The following PTPRG variants were observed in gnomAD, a reference collection of about 807,000 sequenced individuals.
PTPRG encodes the protein receptor-type tyrosine-protein phosphatase gamma.
In PTPRG, 102 loss-of-function variants were observed where a neutral mutation model predicts 165.3. That is an observed-to-expected ratio of 0.62 (90% CI 0.53 to 0.73). The LOEUF is 0.73. Among genes scored for constraint, PTPRG ranks in the 30% least tolerant of loss-of-function variants. The probability of loss-of-function intolerance (pLI) is 0.00; values close to 1 mark genes in which losing one functional copy is unlikely to be tolerated. For missense variants in PTPRG, 1,866 were observed against 1,861.4 expected, an observed-to-expected ratio of 1.00 and a Z score of -0.05; for synonymous variants, 675 against 669.5, an observed-to-expected ratio of 1.01 and a Z score of -0.13.
At chr3:62,116,141 C>G (rs1483315712) in intron 5 of PTPRG, among the ~76,000 whole-genome samples, 2 of 152,062 alleles carry the variant, frequency 1.3e-5, no homozygotes. Flanking sequence ...TAACCAGAGC[C>G]CAGAACCCAA....
chr3:61,624,340 A>T (rs911989069), intron 1 of PTPRG, among the ~76,000 whole-genome samples: 17 of 152,242 alleles, frequency 1.1e-4, no homozygotes, highest in Non-Finnish European at 2.4e-4. Flanking sequence ...AAAAAACTAC[A>T]TTTCCCAACT....
rs1214446791 is a variant in PTPRG, at chr3:62,219,086, G to C, written c.2288+103G>C. The stretch of plus-strand genomic sequence containing the variant: ...CGGCCTCTGCATTCAGGAAGGTGAG[G>C]TAGCTTAAGTGTTTCTGGTCTTGCC... On this transcript the variant is annotated intron_variant, in intron 13 of 29. Coordinates refer to ENST00000474889, the MANE Select transcript of PTPRG (RefSeq NM_002841.4). The surrounding 1 kb of genome is among the most constrained non-coding windows in gnomAD (Gnocchi z 4.5). 1 of 1,465,072 alleles carries C rather than the reference G, an allele frequency of 6.8e-7. No individual in the cohort carries two copies. The highest frequency in any genetic ancestry group is 2.3e-5 in the East Asian group (1 of 43,072). The allele number at this position is 1,465,072 out of a possible 1,614,324, so 90.8% of individuals were successfully genotyped here. A position where few individuals can be genotyped will look rare whatever the true frequency, so the allele number is the denominator to read the frequency against.
At chr3:61,676,456 C>CAAAACAA (rs1703224650) in intron 1 of PTPRG, among the ~76,000 whole-genome samples, 1 of 21,868 alleles carries the variant, frequency 4.6e-5, no homozygotes, top group Non-Finnish European at 8.9e-5. Context: ...GACTCCATCT[C>CAAAACAA]AAAAAAAAAA....
intron 3 of PTPRG, among the ~76,000 whole-genome samples, chr3:61,999,289 C>T (rs1248619144): frequency 1.4e-4 from 22 of 152,146 alleles, no homozygotes; most frequent in Admixed American, 9.8e-4. Flanking sequence ...TCAGGTGATC[C>T]GCCCCCCTCA....
chr3:61,595,083 C>CTACG (rs1311058987), intron 1 of PTPRG, among the ~76,000 whole-genome samples: 1 of 151,550 alleles, frequency 6.6e-6, no homozygotes, highest in East Asian at 1.9e-4. Flanking sequence ...AGATGACGGT[C>CTACG]TACGTTCTTT....
intron 1 of PTPRG, among the ~76,000 whole-genome samples, chr3:61,710,704 G>A (rs1319941814): frequency 6.6e-6 from 1 of 151,928 alleles, no homozygotes; most frequent in East Asian, 1.9e-4. Flanking sequence ...CAGTGTGGCC[G>A]AGGGAAGCTA....
rs904206507 is a variant in PTPRG at position 62,255,705 on chromosome 3, G to A, written c.2559+490G>A. On this transcript the variant is annotated intron_variant, in intron 16 of 29. Coordinates refer to ENST00000474889, the MANE Select transcript of PTPRG (RefSeq NM_002841.4). The surrounding 1 kb of genome is among the most constrained non-coding windows in gnomAD (Gnocchi z 4.0). Reference sequence around the variant, plus strand: ...CCCATTTTTGAAAAATGGCACCAATGTCACCTACATTGTAACGTCGTTGGA... The same window carrying A: ...CCCATTTTTGAAAAATGGCACCAATATCACCTACATTGTAACGTCGTTGGA... 1.3e-5 allele frequency among the ~76,000 whole-genome samples: 2 copies of A among 152,150 alleles called. No individual in the cohort carries two copies. The highest frequency in any genetic ancestry group is 2.9e-5 in the Non-Finnish European group (2 of 68,032).
intron 2 of PTPRG, among the ~76,000 whole-genome samples, chr3:61,786,203 G>A (rs1190821772): frequency 6.6e-6 from 1 of 152,152 alleles, no homozygotes; most frequent in Non-Finnish European, 1.5e-5. Flanking sequence ...TGTTATGGTG[G>A]TTGTTCAGAA....
chr3:62,281,684 A>T lies in PTPRG; in HGVS notation c.3887A>T (p.His1296Leu). Residue 1296 changes from histidine (H) to leucine (L), a missense_variant, in exon 27 of 30, where the codon CAT becomes CTT. By Grantham distance (99) the His-to-Leu change is moderately conservative. Coordinates refer to ENST00000474889, the MANE Select transcript of PTPRG (RefSeq NM_002841.4). ...TCTAATGAAGAACAAATTATCATCC[A>T]TGACTTTATCCTTGAAGCTACACAG... ...CLSNEEQIII[H>L]DFILEATQDD... 2 of 1,611,976 alleles carry T rather than the reference A, an allele frequency of 1.2e-6. No individual in the cohort carries two copies. The highest frequency in any genetic ancestry group is 1.7e-6 in the Non-Finnish European group (2 of 1,178,808).
chr3:61,685,027 A>C, intron 1 of PTPRG, among the ~76,000 whole-genome samples: 1 of 149,694 alleles, frequency 6.7e-6, no homozygotes, highest in Non-Finnish European at 1.5e-5. Context: ...TCTCTCTGTT[A>C]CTCCTCCTCC....
chr3:61,831,506 T>C (rs2036293911), intron 2 of PTPRG, among the ~76,000 whole-genome samples: 1 of 152,260 alleles, frequency 6.6e-6, no homozygotes, highest in South Asian at 2.1e-4. Context: ...CTCATGTTAC[T>C]TCTCTTGCTT....
intron 1 of PTPRG, among the ~76,000 whole-genome samples, chr3:61,724,663 C>A (rs150911474): frequency 2.0e-5 from 3 of 152,100 alleles, no homozygotes; most frequent in Non-Finnish European, 4.4e-5. Context: ...GGTATTACCA[C>A]TATTTTTTTA....
At chr3:62,163,156 A>T (rs1408785391) in intron 7 of PTPRG, among the ~76,000 whole-genome samples, 1 of 152,136 alleles carries the variant, frequency 6.6e-6, no homozygotes, top group Non-Finnish European at 1.5e-5. Context: ...CCCATGATCC[A>T]ATCACCTCCC....
intron 4 of PTPRG, among the ~76,000 whole-genome samples, chr3:62,060,062 ACAAAAATTAG>A (rs1700757566): frequency 6.6e-6 from 1 of 151,746 alleles, no homozygotes; most frequent in African/African-American, 2.4e-5. Context: ...ACAAAAAAAT[ACAAAAATTAG>A]CTGGGCATGA....
At chr3:61,744,500 G>C (rs930812699) in intron 1 of PTPRG, among the ~76,000 whole-genome samples, 4 of 152,202 alleles carry the variant, frequency 2.6e-5, no homozygotes, top group Admixed American at 6.5e-5. Context: ...ACAGTGGTAA[G>C]TATCTGTGTA....
chr3:61,658,194 G>C (rs928766990), intron 1 of PTPRG, among the ~76,000 whole-genome samples: 26 of 152,208 alleles, frequency 1.7e-4, no homozygotes, highest in Admixed American at 1.7e-3. Flanking sequence ...CAGGGGCTGC[G>C]AAAGTTGCCA....
At chr3:61,894,301 C>CAA (rs767479285) in intron 2 of PTPRG, among the ~76,000 whole-genome samples, 529 of 49,838 alleles carry the variant, frequency 0.011, 59 homozygotes, top group East Asian at 0.038. Flanking sequence ...GACTCTGTGT[C>CAA]AAAAAAAAAA....
chr3:61,620,553 C>T (rs185579102), intron 1 of PTPRG, among the ~76,000 whole-genome samples: 4 of 152,098 alleles, frequency 2.6e-5, no homozygotes, highest in South Asian at 2.1e-4. Context: ...TTTTGTTCCT[C>T]GTCCGGTGAA....
intron 2 of PTPRG, among the ~76,000 whole-genome samples, chr3:61,789,140 C>T (rs759934034): frequency 2.0e-5 from 3 of 152,008 alleles, no homozygotes; most frequent in Non-Finnish European, 4.4e-5. Flanking sequence ...CACTCTGTCA[C>T]CCACACTGGA....
Sources: gnomAD v4.1 joint callset for allele counts (sites outside exome capture counted in the v4.1 genomes callset) on GRCh38, gnomAD v4.1.1 for gene constraint, Gnocchi (gnomAD v3.1) non-coding constraint, MANE v1.5 for transcripts, NCBI Gene and HGNC (gene_info 2026-07-23, HGNC 2026-07-21) for gene names.